The following EYS variants were observed in gnomAD, a reference collection of about 807,000 sequenced individuals.
EYS encodes EGF-like photoreceptor maintenance factor.
Under a neutral mutation model 282.1 loss-of-function variants are expected in EYS, and 250 were observed. That is an observed-to-expected ratio of 0.89 (90% CI 0.80 to 0.98). The LOEUF (loss-of-function observed/expected upper bound fraction) is 0.98, where lower values mean the gene tolerates loss of function less well. Among genes scored for constraint, EYS ranks in the 50% least tolerant of loss-of-function variants. The probability of loss-of-function intolerance (pLI) is 0.00; values close to 1 mark genes in which losing one functional copy is unlikely to be tolerated. For missense variants in EYS, 4,016 were observed against 3,709.0 expected (o/e 1.08, Z -2.15); for synonymous variants, 1,355 against 1,282.9 (o/e 1.06, Z -1.20).
intron 22 of EYS, among the ~76,000 whole-genome samples, chr6:64,700,776 T>A (rs1270174393): frequency 6.6e-6 from 1 of 151,994 alleles, no homozygotes; most frequent in Admixed American, 6.6e-5. Flanking sequence ...CAAAAGTTAA[T>A]GTTGTTAACG....
chr6:65,113,184 A>C (rs1775264256), intron 12 of EYS, among the ~76,000 whole-genome samples: 2 of 152,078 alleles, frequency 1.3e-5, no homozygotes, highest in Non-Finnish European at 2.9e-5. Context: ...TAGGGATCAG[A>C]ATAGTAATAC....
intron 8 of EYS, among the ~76,000 whole-genome samples, chr6:65,369,286 T>TAA (rs1554188427): frequency 0.01 from 1,360 of 134,324 alleles, 32 homozygotes; most frequent in African/African-American, 0.034. Flanking sequence ...TTTATATATA[T>TAA]TATATATATA....
intron 30 of EYS, among the ~76,000 whole-genome samples, chr6:64,294,152 G>C (rs1768817987): frequency 6.6e-6 from 1 of 151,926 alleles, no homozygotes; most frequent in Admixed American, 6.6e-5. Flanking sequence ...AAAAAACCTT[G>C]GTAAAATGAT....
intron 11 of EYS, 77 bp from the exon 12 acceptor site, chr6:65,296,196 T>G (rs1159119214): frequency 3.1e-6 from 4 of 1,305,476 alleles, no homozygotes; most frequent in Non-Finnish European, 3.1e-6. Context: ...AATCACACAT[T>G]TATTTAAAAA....
At chr6:64,912,346 A>C (rs1318643524) in intron 16 of EYS, 138 bp downstream of exon 16, 4 of 642,872 alleles carry the variant, frequency 6.2e-6, no homozygotes, top group Non-Finnish European at 1.1e-5. Flanking sequence ...CTGGATTTGA[A>C]GTTAGATAGT....
intron 12 of EYS, among the ~76,000 whole-genome samples, chr6:65,211,765 A>T (rs937129073): frequency 6.6e-6 from 1 of 151,978 alleles, no homozygotes; most frequent in Admixed American, 6.6e-5. Context: ...ATAGCTATCC[A>T]AACTTAGGAT....
intron 41 of EYS, among the ~76,000 whole-genome samples, chr6:63,729,558 T>C (rs1768728915): frequency 6.6e-6 from 1 of 152,024 alleles, no homozygotes; most frequent in African/African-American, 2.4e-5. Context: ...GATGTCCATT[T>C]CTTCTAGCAT....
chr6:64,326,855 G>A lies in EYS; in HGVS notation c.6079-19773C>T, dbSNP rs139527159. ...AGACATCTGAACCACAGTAAGGTTT[G>A]GGCCCTAAGGCAAGACCCATCCCAT... On this transcript the variant is annotated intron_variant, in intron 29 of 42. Transcript: ENST00000503581. Among the ~76,000 whole-genome samples the A allele has an allele frequency of 8.4e-3, 1,284 of 152,192 alleles. 12 individuals carry two copies. The highest frequency in any genetic ancestry group is 0.029 in the African/African-American group (1,222 of 41,528).
intron 5 of EYS, among the ~76,000 whole-genome samples, chr6:65,444,902 A>C (rs913688444): frequency 6.6e-6 from 1 of 152,058 alleles, no homozygotes; most frequent in Non-Finnish European, 1.5e-5. Flanking sequence ...GTATTCAATT[A>C]ATTCATGCTT....
intron 29 of EYS, among the ~76,000 whole-genome samples, chr6:64,322,005 AT>A (rs1344868406): frequency 6.6e-6 from 1 of 151,998 alleles, no homozygotes; most frequent in African/African-American, 2.4e-5. Context: ...CATAGTCTAC[AT>A]GTAGAAGTAA....
At chr6:64,723,540 T>G (rs773440299) in intron 22 of EYS, among the ~76,000 whole-genome samples, 15 of 152,334 alleles carry the variant, frequency 9.8e-5, no homozygotes, top group Middle Eastern at 3.4e-3. Flanking sequence ...ACGCCCACTC[T>G]CTTCACATTA....
At position 64,230,633 on chromosome 6, in the gene EYS, C is replaced by T. The variant is rs942815164; in HGVS notation, c.6383G>A (p.Cys2128Tyr). 1.3e-6 allele frequency: 2 copies of T among 1,551,352 alleles called. No individual in the cohort carries two copies. Among genetic ancestry groups the T allele is most frequent in the Non-Finnish European group, 1.7e-6 (2 of 1,146,836 alleles). ...GCCAGTGAAATGTAGTGGACAGTCACATTGGAATGACACTATGCCACTGGA... is the reference window on the plus strand; with the variant it reads ...GCCAGTGAAATGTAGTGGACAGTCATATTGGAATGACACTATGCCACTGGA... ...FLSSGIVSFQ[C>Y]DCPLHFTGRF... The change falls in exon 31 of 43, where the codon TGT (cysteine) becomes TAT (tyrosine). Residue 2128 changes from cysteine to tyrosine, a missense_variant. By Grantham distance (194) the Cys-to-Tyr change is radical. Coordinates refer to ENST00000503581, the MANE Select transcript of EYS (RefSeq NM_001142800.2).
intron 13 of EYS, among the ~76,000 whole-genome samples, chr6:65,005,950 A>G (rs1302645381): frequency 6.6e-6 from 1 of 152,142 alleles, no homozygotes; most frequent in African/African-American, 2.4e-5. Flanking sequence ...CTCTGAATCT[A>G]CTTCCTCTGA....
intron 5 of EYS, among the ~76,000 whole-genome samples, chr6:65,441,119 A>C (rs936565232): frequency 2.1e-4 from 31 of 151,150 alleles, no homozygotes; most frequent in African/African-American, 9.7e-5. Flanking sequence ...TGGAGCAATA[A>C]GAAATGTGTG....
At chr6:64,722,501 T>C (rs1771617917) in intron 22 of EYS, among the ~76,000 whole-genome samples, 1 of 151,366 alleles carries the variant, frequency 6.6e-6, no homozygotes, top group Admixed American at 6.6e-5. Flanking sequence ...AAATAGTATT[T>C]TCAGTAAATT....
chr6:64,388,757 C>T lies in EYS; in HGVS notation c.6011G>A (p.Gly2004Glu). ...AGATCCTGATTTTGGCAGGGGTTTT[C>T]CGAGTACATGATTGATAGATTCGCA... is the stretch of plus-strand genomic sequence containing the variant. The part of the protein sequence containing the change: ...QICESINHVL[G>E]KPLPKSGSVF... The change falls in exon 29 of 43, where the codon GGA becomes GAA. Residue 2004 changes from glycine (G) to glutamate (E), a missense_variant. Physicochemically the swap from Gly to Glu is moderately conservative, Grantham distance 98 (BLOSUM62 -2). Coordinates refer to ENST00000503581, the MANE Select transcript of EYS (RefSeq NM_001142800.2). 2 of 1,545,390 alleles carry T rather than the reference C, an allele frequency of 1.3e-6. No individual in the cohort carries two copies. Among genetic ancestry groups the T allele is most frequent in the Non-Finnish European group, 1.7e-6 (2 of 1,143,950 alleles).
chr6:64,885,507 G>A (rs1396291786), intron 19 of EYS, among the ~76,000 whole-genome samples: 2 of 151,678 alleles, frequency 1.3e-5, no homozygotes, highest in Non-Finnish European at 3.0e-5. Context: ...CAAGGTGAAT[G>A]GCATTGCTGA....
At chr6:63,960,818 T>C (rs988471991) in intron 35 of EYS, among the ~76,000 whole-genome samples, 2 of 152,250 alleles carry the variant, frequency 1.3e-5, no homozygotes, top group Non-Finnish European at 2.9e-5. Flanking sequence ...GTGCACTTAA[T>C]ATACTATAGT....
At chr6:64,589,292 G>A (rs1418368157) in intron 26 of EYS, among the ~76,000 whole-genome samples, 1 of 151,838 alleles carries the variant, frequency 6.6e-6, no homozygotes, top group East Asian at 1.9e-4. Flanking sequence ...TGAATTTTCA[G>A]CCATAAATTA....
Sources: gnomAD v4.1 joint callset for allele counts (sites outside exome capture counted in the v4.1 genomes callset) on GRCh38, gnomAD v4.1.1 for gene constraint, MANE v1.5 for transcripts, NCBI Gene and HGNC (gene_info 2026-07-23, HGNC 2026-07-21) for gene names.